Variants in CFAP91 observed in about 807,000 individuals in gnomAD.
CFAP91 encodes cilia and flagella associated protein 91.
Under a neutral mutation model 95.9 loss-of-function variants are expected in CFAP91, and 85 were observed. The ratio of observed to expected loss-of-function variants is 0.89; its 90% confidence interval spans 0.74 to 1.06. The LOEUF (loss-of-function observed/expected upper bound fraction) is 1.06, where lower values mean the gene tolerates loss of function less well. Ranked by LOEUF, CFAP91 falls within the 50% of genes least tolerant of loss-of-function variation. CFAP91 has a pLI of 0.00. For synonymous variants in CFAP91, 335 were observed against 327.5 expected (o/e 1.02, Z -0.25); for missense variants, 962 against 943.4 (o/e 1.02, Z -0.26).
At chr3:119,738,700 T>A (rs2054060122) in intron 11 of CFAP91, among the ~76,000 whole-genome samples, 1 of 152,164 alleles carries the variant, frequency 6.6e-6, no homozygotes, top group South Asian at 2.1e-4. Flanking sequence ...AGACTGCTGT[T>A]TTCTTTTTAC....
At chr3:119,731,701 G>A (rs772204113) in intron 8 of CFAP91, among the ~76,000 whole-genome samples, 9 of 152,254 alleles carry the variant, frequency 5.9e-5, no homozygotes, top group East Asian at 1.9e-4. Context: ...ATGCAGAGCC[G>A]CCAAAAGGTC....
intron 7 of CFAP91, among the ~76,000 whole-genome samples, chr3:119,728,975 A>G (rs1364153992): frequency 3.3e-5 from 5 of 152,184 alleles, no homozygotes; most frequent in Non-Finnish European, 2.9e-5. Flanking sequence ...CTTGTACATC[A>G]TTGTTCCTGC....
chr3:119,711,592 T>C lies in CFAP91; in HGVS notation c.500+1697T>C, dbSNP rs1318692928. On this transcript the variant is annotated intron_variant, in intron 5 of 17. Coordinates refer to ENST00000273390, the MANE Select transcript of CFAP91 (RefSeq NM_033364.4). ...AAACCATGACATTTGACATTGTAGC[T>C]ACTCTCTATCTGTCTTAGAACTTTT... is the stretch of plus-strand genomic sequence containing the variant. 3.3e-5 allele frequency among the ~76,000 whole-genome samples: 5 copies of C among 152,354 alleles called. No individual in the cohort carries two copies. The East Asian group carries it at 9.6e-4, about 29-fold the overall frequency.
chr3:119,715,510 T>C, intron 5 of CFAP91, 52 bp from the exon 6 acceptor site: 2 of 1,428,526 alleles, frequency 1.4e-6, no homozygotes, highest in Non-Finnish European at 9.9e-7. Context: ...TTATATAATA[T>C]TTTAAGTGAC....
intron 5 of CFAP91, among the ~76,000 whole-genome samples, chr3:119,715,114 T>C (rs2053548179): frequency 6.6e-6 from 1 of 152,198 alleles, no homozygotes; most frequent in Admixed American, 6.5e-5. Flanking sequence ...CCTTTTTCTC[T>C]CTCTTTCTTT....
At chr3:119,761,647 G>C (rs1429102841) in intron 17 of CFAP91, among the ~76,000 whole-genome samples, 1 of 151,856 alleles carries the variant, frequency 6.6e-6, no homozygotes, top group Non-Finnish European at 1.5e-5. Flanking sequence ...CTATGATCAA[G>C]TGGGATTCAT....
At chr3:119,751,966 CA>C (rs1021576267) in intron 17 of CFAP91, among the ~76,000 whole-genome samples, 14 of 152,306 alleles carry the variant, frequency 9.2e-5, no homozygotes, top group African/African-American at 3.1e-4. Flanking sequence ...ATTTACCAAT[CA>C]GGGGTCATTT....
intron 5 of CFAP91, among the ~76,000 whole-genome samples, chr3:119,714,365 C>CAA (rs1265042198): frequency 4.7e-5 from 6 of 128,588 alleles, no homozygotes; most frequent in South Asian, 4.6e-4. Flanking sequence ...GACTCCGTCT[C>CAA]AAAAAAAAAA....
Position 119,732,290 on chromosome 3 carries a change from T to C in CFAP91, c.1019-4T>C, listed in dbSNP as rs746721615. Reference sequence around the variant, plus strand: ...GATAGTCATGGAGGTATGTTTTATTTCAGCAATCAGAAAACTTGTAGGAAA... The same window carrying C: ...GATAGTCATGGAGGTATGTTTTATTCCAGCAATCAGAAAACTTGTAGGAAA... On this transcript the variant is annotated splice_polypyrimidine_tract_variant and splice_region_variant and intron_variant, in intron 8 of 17. Coordinates refer to ENST00000273390, the MANE Select transcript of CFAP91 (RefSeq NM_033364.4). 11 of 1,594,354 alleles carry C rather than the reference T, an allele frequency of 6.9e-6. No homozygotes were observed. The highest frequency in any genetic ancestry group is 3.5e-5 in the Admixed American group (2 of 57,332).
intron 8 of CFAP91, among the ~76,000 whole-genome samples, chr3:119,732,019 A>G (rs1239064032): frequency 6.6e-6 from 1 of 152,066 alleles, no homozygotes; most frequent in Non-Finnish European, 1.5e-5. Flanking sequence ...CTTGGCCTGG[A>G]GCTTGAAATG....
At chr3:119,743,438 ATT>A (rs2054159879) in intron 13 of CFAP91, among the ~76,000 whole-genome samples, 1 of 152,118 alleles carries the variant, frequency 6.6e-6, no homozygotes, top group African/African-American at 2.4e-5. Context: ...TATTTCGAAT[ATT>A]GTTGTTAATG....
chr3:119,717,635 C>T (rs1403821816), intron 6 of CFAP91, among the ~76,000 whole-genome samples: 1 of 146,404 alleles, frequency 6.8e-6, no homozygotes, highest in Non-Finnish European at 1.5e-5. Context: ...TCCTGGGATT[C>T]CATACTGTAA....
At chr3:119,739,007 A>C (rs1209507092) in intron 11 of CFAP91, among the ~76,000 whole-genome samples, 3 of 152,234 alleles carry the variant, frequency 2.0e-5, no homozygotes, top group African/African-American at 7.2e-5. Context: ...ATTTGTAGGG[A>C]TAGCATGGCA....
At chr3:119,731,467 T>C (rs1052878064) in intron 8 of CFAP91, among the ~76,000 whole-genome samples, 2 of 152,226 alleles carry the variant, frequency 1.3e-5, no homozygotes, top group African/African-American at 4.8e-5. Context: ...CAATCAACAT[T>C]TGTTTCAGTA....
intron 14 of CFAP91, 85 bp from the exon 15 acceptor site, chr3:119,747,030 A>T (rs1409380271): frequency 1.8e-6 from 2 of 1,104,326 alleles, no homozygotes; most frequent in Non-Finnish European, 2.5e-6. Flanking sequence ...ATGAGCTAGA[A>T]AAAGTTAACC....
Position 119,747,868 on chromosome 3 carries a change from C to A in CFAP91, c.2109C>A (p.Ile703=), listed in dbSNP as rs767682364. The change falls in exon 16 of 18, where the codon ATC becomes ATA. Residue 703 remains isoleucine, a synonymous_variant. Transcript: ENST00000273390. ...IVAELVYSFL[I]PEVQKYFVKE... is the part of the protein sequence containing the mutation. ...CTGAGTTGGTTTATAGTTTTCTGAT[C>A]CCAGAGGTGCAAAAATACTTTGTCA... is the stretch of plus-strand genomic sequence containing the variant. The A allele has an allele frequency of 6.2e-7, 1 of 1,613,282 alleles. No individual in the cohort carries two copies. The highest frequency in any genetic ancestry group is 1.1e-5 in the South Asian group (1 of 90,998).
intron 6 of CFAP91, among the ~76,000 whole-genome samples, chr3:119,717,512 T>C (rs1164572724): frequency 1.3e-5 from 2 of 151,450 alleles, no homozygotes; most frequent in East Asian, 1.9e-4. Context: ...ATTTTAAAAT[T>C]ATAAATCAAG....
chr3:119,725,372 A>G (rs1404674521), intron 6 of CFAP91, among the ~76,000 whole-genome samples: 1 of 152,250 alleles, frequency 6.6e-6, no homozygotes, highest in Non-Finnish European at 1.5e-5. Flanking sequence ...CAGGTAAGAG[A>G]TAGCCCTAAA....
At chr3:119,713,561 T>C (rs536458596) in intron 5 of CFAP91, among the ~76,000 whole-genome samples, 1 of 152,266 alleles carries the variant, frequency 6.6e-6, no homozygotes, top group East Asian at 1.9e-4. Flanking sequence ...TAATCAATGC[T>C]TTCACCAACT....
Sources: allele counts gnomAD v4.1 joint callset (sites outside exome capture counted in the v4.1 genomes callset), GRCh38; gene constraint gnomAD v4.1.1; transcripts MANE v1.5; gene names NCBI Gene and HGNC (gene_info 2026-07-23, HGNC 2026-07-21).